The following QSER1 variants were observed in gnomAD, a reference collection of about 807,000 sequenced individuals.
The protein encoded by QSER1 is glutamine and serine rich 1.
In QSER1, 49 loss-of-function variants were observed where a neutral mutation model predicts 158.5. The ratio of observed to expected loss-of-function variants is 0.31; its 90% confidence interval spans 0.25 to 0.39. QSER1 has a LOEUF of 0.39. Among genes scored for constraint, QSER1 ranks in the 10% least tolerant of loss-of-function variants. The pLI is 1.00. For synonymous variants in QSER1, 650 were observed against 715.5 expected (o/e 0.91, Z 1.46); for missense variants, 1,754 against 2,010.3 (o/e 0.87, Z 2.44).
intron 7 of QSER1, among the ~76,000 whole-genome samples, chr11:32,957,429 C>T (rs1852538470): frequency 6.6e-6 from 1 of 152,178 alleles, no homozygotes; most frequent in East Asian, 1.9e-4. Flanking sequence ...GCATGAGCCA[C>T]CGCGCCGCAT....
chr11:32,919,312 A>C (rs1233784279), intron 1 of QSER1, among the ~76,000 whole-genome samples: 3 of 152,186 alleles, frequency 2.0e-5, no homozygotes, highest in Non-Finnish European at 4.4e-5. Flanking sequence ...TTAGAGACTG[A>C]GTATTGCTAT....
rs1378850955 is a variant in QSER1 at position 32,933,473 on chromosome 11, G to A, written c.2215G>A (p.Val739Ile). 1 of 1,611,782 alleles carries A rather than the reference G, an allele frequency of 6.2e-7. No homozygotes were observed. Among genetic ancestry groups the A allele is most frequent in the Non-Finnish European group, 8.5e-7 (1 of 1,179,190 alleles). The change falls in exon 4 of 13, where the codon GTA becomes ATA. Residue 739 changes from valine to isoleucine, a missense_variant. Coordinates refer to ENST00000650167, the MANE Select transcript of QSER1 (RefSeq NM_001076786.3). ...SKADDRYSQS[V>I]IRSNSRLEDQ... Reference sequence around the variant, plus strand: ...GGCAGATGACAGATATTCTCAGAGTGTAATCAGAAGTAATTCCCGTCTTGA... The same window carrying A: ...GGCAGATGACAGATATTCTCAGAGTATAATCAGAAGTAATTCCCGTCTTGA...
chr11:32,954,151 T>C lies in QSER1; in HGVS notation c.4472T>C (p.Val1491Ala), dbSNP rs760220405. ...GQYRERDEFV[V>A]KIEDIETFKE... The stretch of plus-strand genomic sequence containing the variant: ...TACAGAGAGCGTGATGAATTTGTGG[T>C]AAAGATAGAAGACATAGAGACTTTT... Residue 1491 changes from valine (V) to alanine (A), a missense_variant, in exon 5 of 13, where the codon GTA becomes GCA. By Grantham distance (64) the Val-to-Ala change is moderately conservative. Coordinates refer to ENST00000650167, the MANE Select transcript of QSER1 (RefSeq NM_001076786.3). 1 of 1,613,604 alleles carries C rather than the reference T, an allele frequency of 6.2e-7. No individual in the cohort carries two copies. The highest frequency in any genetic ancestry group is 1.7e-5 in the Admixed American group (1 of 60,020).
Position 32,932,670 on chromosome 11 carries a change from A to C in QSER1, c.1412A>C (p.Gln471Pro), listed in dbSNP as rs1436717584. The C allele has an allele frequency of 6.2e-7, 1 of 1,614,176 alleles. No homozygotes were observed. Among genetic ancestry groups the C allele is most frequent in the Non-Finnish European group, 8.5e-7 (1 of 1,180,020 alleles). ...AGCCTTTTATCAGTTAGTCAGTCCC[A>C]AAATTACGGTTTAGTACAGCCACAT... ...LPSLLSVSQS[Q>P]NYGLVQPHNV... The change falls in exon 4 of 13, where the codon CAA (glutamine) becomes CCA (proline). Residue 471 changes from glutamine to proline, a missense_variant. Transcript: ENST00000650167.
chr11:32,917,561 C>T (rs1485178679), intron 1 of QSER1, among the ~76,000 whole-genome samples: 5 of 152,106 alleles, frequency 3.3e-5, no homozygotes, highest in Non-Finnish European at 7.4e-5. Context: ...TGTGGTGGCT[C>T]ATGTCTGTAA....
rs892009398 is a variant in QSER1, at chr11:32,892,916, C to G, written c.-210C>G. Reference sequence around the variant, plus strand: ...CCGCTTCCCTGACGCCCAGCTGGGGCCTCGCCGCCCGCCGCGGCCCGGGTC... The same window carrying G: ...CCGCTTCCCTGACGCCCAGCTGGGGGCTCGCCGCCCGCCGCGGCCCGGGTC... On this transcript the variant is annotated 5_prime_UTR_variant, in exon 1 of 13. Transcript: ENST00000650167. Among the ~76,000 whole-genome samples, 1 of 147,364 alleles carries G rather than the reference C, an allele frequency of 6.8e-6. No individual in the cohort carries two copies. The highest frequency in any genetic ancestry group is 2.1e-4 in the South Asian group (1 of 4,726).
intron 11 of QSER1, among the ~76,000 whole-genome samples, chr11:32,974,389 G>A (rs548110317): frequency 4.7e-5 from 7 of 150,230 alleles, no homozygotes; most frequent in African/African-American, 1.7e-4. Context: ...TTGCACCCCT[G>A]CACTCCAGCC....
chr11:32,940,781 C>T (rs531474098), intron 4 of QSER1, among the ~76,000 whole-genome samples: 1 of 152,216 alleles, frequency 6.6e-6, no homozygotes, highest in African/African-American at 2.4e-5. Context: ...TACCCTCTTT[C>T]TTCCTCTAAA....
At chr11:32,916,026 C>T (rs1961543) in intron 1 of QSER1, among the ~76,000 whole-genome samples, 116,076 of 151,610 alleles carry the variant, frequency 0.77, 45,510 homozygotes, top group East Asian at 0.99. Context: ...CTCAGCCTCC[C>T]GAGTAGCTGG....
At chr11:32,894,601 AG>A (rs1457497336) in intron 1 of QSER1, among the ~76,000 whole-genome samples, 5 of 152,240 alleles carry the variant, frequency 3.3e-5, no homozygotes, top group Non-Finnish European at 5.9e-5. Context: ...ATAAGTGTGA[AG>A]GGTAGCTGGT....
At chr11:32,926,851 T>A (rs1235810795) in intron 1 of QSER1, 2 of 152,180 alleles carry the variant, frequency 1.3e-5, no homozygotes, top group Non-Finnish European at 2.9e-5. Flanking sequence ...GTACAATGAA[T>A]TCACCTCTCT....
intron 1 of QSER1, among the ~76,000 whole-genome samples, chr11:32,898,487 C>CAA (rs1178663073): frequency 1.7e-4 from 2 of 11,528 alleles, no homozygotes; most frequent in Non-Finnish European, 3.0e-4. Context: ...ACCTGTCACA[C>CAA]ACACACACAC....
At chr11:32,912,834 G>A (rs910760286) in intron 1 of QSER1, among the ~76,000 whole-genome samples, 2 of 152,080 alleles carry the variant, frequency 1.3e-5, no homozygotes, top group African/African-American at 4.8e-5. Context: ...GATTGCTTGA[G>A]CCTGGAAGGT....
intron 10 of QSER1, among the ~76,000 whole-genome samples, chr11:32,972,951 G>C (rs1224031283): frequency 1.3e-5 from 2 of 152,178 alleles, no homozygotes; most frequent in Non-Finnish European, 2.9e-5. Context: ...GCAAGGCCCA[G>C]CCACATTTCA....
chr11:32,977,188 T>C lies in QSER1; in HGVS notation c.*714T>C, dbSNP rs1377928848. 1 of 152,606 alleles carries C rather than the reference T, an allele frequency of 6.6e-6. No individual in the cohort carries two copies. Among genetic ancestry groups the C allele is most frequent in the African/African-American group, 2.4e-5 (1 of 41,468 alleles). The allele number at this position is 152,606 out of a possible 1,614,324, so 9.5% of individuals were successfully genotyped here. ...GTTTTTTCCTTTGGAAAATTTTCAA[T>C]TGTACATTTTATTTCACTGATAGTT... is the stretch of plus-strand genomic sequence containing the variant. On this transcript the variant is annotated 3_prime_UTR_variant, in exon 13 of 13. Transcript: ENST00000650167.
intron 4 of QSER1, among the ~76,000 whole-genome samples, chr11:32,936,510 T>G (rs1025386009): frequency 2.6e-5 from 4 of 152,194 alleles, no homozygotes; most frequent in Non-Finnish European, 5.9e-5. Context: ...TATTTTCTAT[T>G]GTAAGAAACA....
Position 32,935,071 on chromosome 11 carries a change from A to G in QSER1, c.3813A>G (p.Gln1271=), listed in dbSNP as rs955693547. The change falls in exon 4 of 13, where the codon CAA becomes CAG. Residue 1271 remains glutamine (Q), a synonymous_variant. Coordinates refer to ENST00000650167, the MANE Select transcript of QSER1 (RefSeq NM_001076786.3). ...RQKIKEVEEK[Q]PEVKTGFIAS... ...AGATCAAAGAGGTGGAGGAAAAACA[A>G]CCAGAAGTCAAAACAGGATTTATTG... 8.1e-6 allele frequency: 13 copies of G among 1,613,980 alleles called. No individual in the cohort carries two copies. The highest frequency in any genetic ancestry group is 7.6e-6 in the Non-Finnish European group (9 of 1,180,016).
chr11:32,946,176 G>C (rs1218176624), intron 4 of QSER1, among the ~76,000 whole-genome samples: 2 of 151,338 alleles, frequency 1.3e-5, no homozygotes, highest in African/African-American at 4.8e-5. Context: ...TTTGCCTTTG[G>C]TTTGAATGTC....
chr11:32,900,131 C>T (rs1205580875), intron 1 of QSER1, among the ~76,000 whole-genome samples: 1 of 152,198 alleles, frequency 6.6e-6, no homozygotes, highest in Non-Finnish European at 1.5e-5. Flanking sequence ...ATTGCAGTTG[C>T]CTCCTGTTGC....
Sources: allele counts gnomAD v4.1 joint callset (sites outside exome capture counted in the v4.1 genomes callset), GRCh38; gene constraint gnomAD v4.1.1; transcripts MANE v1.5; gene names NCBI Gene and HGNC (gene_info 2026-07-23, HGNC 2026-07-21).